SCN11A: variants seen among roughly 807,000 people sequenced by gnomAD.
The protein encoded by SCN11A is sodium channel protein type 11 subunit alpha.
A neutral mutation model predicts 162.2 loss-of-function variants in SCN11A; 122 were observed. That is an observed-to-expected ratio of 0.75 (90% confidence interval 0.65 to 0.87). The LOEUF is 0.87. Ranked by LOEUF, SCN11A falls within the 40% of genes least tolerant of loss-of-function variation. The pLI is 0.00. For synonymous variants in SCN11A, 758 were observed against 751.5 expected (o/e 1.01, Z -0.14); for missense variants, 2,015 against 2,181.6 (o/e 0.92, Z 1.52).
intron 2 of SCN11A, among the ~76,000 whole-genome samples, chr3:38,970,175 T>C (rs1189552112): frequency 1.3e-5 from 2 of 152,032 alleles, no homozygotes; most frequent in Non-Finnish European, 2.9e-5. Context: ...AGAGGGGGGA[T>C]CTCTCTTGGC....
intron 22 of SCN11A, among the ~76,000 whole-genome samples, chr3:38,882,500 A>C: frequency 6.6e-6 from 1 of 152,160 alleles, no homozygotes; most frequent in East Asian, 1.9e-4. Flanking sequence ...ATTTTAAGGG[A>C]AGATGCATGA....
At chr3:38,968,233 A>T (rs573423212) in intron 2 of SCN11A, among the ~76,000 whole-genome samples, 2 of 152,090 alleles carry the variant, frequency 1.3e-5, no homozygotes, top group South Asian at 4.2e-4. Context: ...GAAAATGTTC[A>T]CTCTCAACCA....
chr3:38,881,189 G>C (rs949283497), intron 22 of SCN11A, among the ~76,000 whole-genome samples: 1 of 152,130 alleles, frequency 6.6e-6, no homozygotes, highest in Non-Finnish European at 1.5e-5. Flanking sequence ...AAACTGTCCC[G>C]TTCCAGCAGG....
intron 17 of SCN11A, among the ~76,000 whole-genome samples, chr3:38,899,473 C>T (rs1192362121): frequency 6.6e-6 from 1 of 152,162 alleles, no homozygotes; most frequent in Non-Finnish European, 1.5e-5. Flanking sequence ...CCCTGCATTC[C>T]TCCCCGGCAT....
intron 1 of SCN11A, among the ~76,000 whole-genome samples, chr3:39,043,289 T>C (rs2032100258): frequency 6.6e-6 from 1 of 152,146 alleles, no homozygotes; most frequent in African/African-American, 2.4e-5. Context: ...AGGGCTACCA[T>C]ACGATCCAGC....
At chr3:38,939,104 C>T (rs546435053) in intron 7 of SCN11A, among the ~76,000 whole-genome samples, 8 of 151,892 alleles carry the variant, frequency 5.3e-5, no homozygotes, top group Admixed American at 2.0e-4. Context: ...ATCCAGGAGG[C>T]GAAGGCTGCA....
intron 1 of SCN11A, among the ~76,000 whole-genome samples, chr3:39,038,356 A>G (rs1227135484): frequency 1.3e-5 from 2 of 152,222 alleles, no homozygotes; most frequent in Non-Finnish European, 2.9e-5. Context: ...CATTTTCTAT[A>G]GTGGGAGTAT....
chr3:38,903,528 G>C (rs1357078021), intron 16 of SCN11A, among the ~76,000 whole-genome samples: 1 of 152,132 alleles, frequency 6.6e-6, no homozygotes, highest in Non-Finnish European at 1.5e-5. Flanking sequence ...ATATCACTGG[G>C]ACCACAACAG....
intron 5 of SCN11A, 38 bp downstream of exon 5, chr3:38,950,058 C>A (rs1451574576): frequency 1.5e-3 from 133 of 91,580 alleles, no homozygotes; most frequent in Admixed American, 4.5e-3. Flanking sequence ...GGTTAGAACA[C>A]CCCCACCCCC....
intron 28 of SCN11A, among the ~76,000 whole-genome samples, chr3:38,852,988 T>C (rs2064807643): frequency 6.6e-6 from 1 of 152,232 alleles, no homozygotes; most frequent in Non-Finnish European, 1.5e-5. Flanking sequence ...GGGAGAGCTG[T>C]GATTTTGCAC....
intron 1 of SCN11A, among the ~76,000 whole-genome samples, chr3:39,037,170 G>C (rs13063658): frequency 0.1 from 15,798 of 152,214 alleles, 878 homozygotes; most frequent in Admixed American, 0.14. Context: ...CGTGTCATTT[G>C]CAACAACGTG....
intron 11 of SCN11A, among the ~76,000 whole-genome samples, chr3:38,911,266 C>T (rs1263460817): frequency 2.0e-5 from 3 of 151,986 alleles, no homozygotes; most frequent in African/African-American, 7.3e-5. Context: ...TATATTTATT[C>T]CATTTTCACA....
intron 7 of SCN11A, among the ~76,000 whole-genome samples, chr3:38,942,246 C>T (rs531653534): frequency 6.6e-6 from 1 of 152,148 alleles, no homozygotes; most frequent in Non-Finnish European, 1.5e-5. Flanking sequence ...ACAGACAAAT[C>T]CACAATCATA....
At chr3:38,925,920 C>T (rs569462144) in intron 8 of SCN11A, among the ~76,000 whole-genome samples, 3 of 152,374 alleles carry the variant, frequency 2.0e-5, no homozygotes, top group African/African-American at 7.2e-5. Flanking sequence ...GAGCCATACT[C>T]TAAACCACTG....
intron 4 of SCN11A, among the ~76,000 whole-genome samples, chr3:38,951,242 C>A (rs111229127): frequency 1.3e-5 from 2 of 152,178 alleles, no homozygotes; most frequent in African/African-American, 4.8e-5. Flanking sequence ...GCGCCGCACT[C>A]GGAGCAGCCG....
chr3:38,913,141 C>A (rs546682344), intron 11 of SCN11A, among the ~76,000 whole-genome samples: 4 of 152,078 alleles, frequency 2.6e-5, no homozygotes, highest in Non-Finnish European at 5.9e-5. Context: ...ACATTGCCAG[C>A]GTCTGTTATT....
chr3:38,886,621 T>C (rs4320030), intron 19 of SCN11A, among the ~76,000 whole-genome samples: 34,825 of 152,042 alleles, frequency 0.23, 4,134 homozygotes, highest in Non-Finnish European at 0.25. Context: ...TGGTACACAA[T>C]GCCATAATAT....
intron 28 of SCN11A, among the ~76,000 whole-genome samples, chr3:38,861,691 T>C (rs1199344316): frequency 6.6e-6 from 1 of 152,098 alleles, no homozygotes; most frequent in Non-Finnish European, 1.5e-5. Flanking sequence ...AATTTGCATG[T>C]AGAAGAATGA....
At position 38,950,244 on chromosome 3, in the gene SCN11A, G is replaced by A. The variant is rs1224321638; in HGVS notation, c.119C>T (p.Ser40Phe). 1.2e-6 allele frequency: 2 copies of A among 1,614,042 alleles called. No homozygotes were observed. The highest frequency in any genetic ancestry group is 1.7e-5 in the Admixed American group (1 of 60,024). Residue 40 changes from serine to phenylalanine, a missense_variant, in exon 5 of 30, where the codon TCT (serine) becomes TTT (phenylalanine). Physicochemically the swap from Ser to Phe is radical, Grantham distance 155 (BLOSUM62 -2). Coordinates refer to ENST00000302328, the MANE Select transcript of SCN11A (RefSeq NM_001349253.2). ...RIAIQKEKKKSKDQTGEVPQP... is the reference protein window; with the variant it reads ...RIAIQKEKKKFKDQTGEVPQP... ...GGGTACTTCTCCTGTCTGGTCTTTA[G>A]ACTTCTTTTTCTCCTTTTGGATGGC...
Sources: gnomAD v4.1 joint callset for allele counts (sites outside exome capture counted in the v4.1 genomes callset) on GRCh38, gnomAD v4.1.1 for gene constraint, MANE v1.5 for transcripts, NCBI Gene and HGNC (gene_info 2026-07-23, HGNC 2026-07-21) for gene names.